The following FBXL17 variants were observed in gnomAD, a reference collection of about 807,000 sequenced individuals.
The protein encoded by FBXL17 is F-box/LRR-repeat protein 17.
Under a neutral mutation model 66.2 loss-of-function variants are expected in FBXL17, and 22 were observed. That is an observed-to-expected ratio of 0.33 (90% CI 0.24 to 0.47). The LOEUF is 0.47. FBXL17 is among the 20% of genes least tolerant of loss of function. FBXL17 has a pLI of 1.00. For synonymous variants in FBXL17, 474 were observed against 400.5 expected (o/e 1.18, Z -2.19); for missense variants, 878 against 948.2 (o/e 0.93, Z 0.97).
At chr5:108,219,945 T>G (rs914788384) in intron 5 of FBXL17, among the ~76,000 whole-genome samples, 17 of 147,488 alleles carry the variant, frequency 1.2e-4, no homozygotes, top group Admixed American at 6.1e-4. Context: ...TTTTTTTTTT[T>G]TTTTTTGCTT....
chr5:108,001,540 G>A lies in FBXL17; in HGVS notation c.1822+19385C>T, dbSNP rs553347229. 6.0e-5 allele frequency among the ~76,000 whole-genome samples: 9 copies of A among 151,098 alleles called. 1 individual carries two copies. The highest frequency in any genetic ancestry group is 5.8e-4 in the East Asian group (3 of 5,142). On this transcript the variant is annotated intron_variant, in intron 7 of 8. Transcript: ENST00000542267. ...TTTTGAGACAGAGTCGCACTCCATC[G>A]CCCAGGCTGGAGTGCAGCGGTGCTA...
At chr5:108,224,926 C>A (rs917244486) in intron 4 of FBXL17, among the ~76,000 whole-genome samples, 1 of 152,096 alleles carries the variant, frequency 6.6e-6, no homozygotes, top group Non-Finnish European at 1.5e-5. Flanking sequence ...TCACACCCAA[C>A]CAATATATAT....
intron 6 of FBXL17, among the ~76,000 whole-genome samples, chr5:108,024,824 T>G (rs1214401406): frequency 6.6e-6 from 1 of 152,190 alleles, no homozygotes; most frequent in Non-Finnish European, 1.5e-5. Context: ...ACAGAAAGGT[T>G]ACTTTGGTAA....
At chr5:108,376,133 T>C (rs1749405898) in intron 1 of FBXL17, among the ~76,000 whole-genome samples, 1 of 152,192 alleles carries the variant, frequency 6.6e-6, no homozygotes, top group African/African-American at 2.4e-5. Context: ...TTCCTCAACC[T>C]GAGAAAGAGC....
chr5:108,004,294 A>C (rs1217833848), intron 7 of FBXL17, among the ~76,000 whole-genome samples: 1 of 152,170 alleles, frequency 6.6e-6, no homozygotes, highest in Non-Finnish European at 1.5e-5. Context: ...CAGTTAACGA[A>C]CACTATTTTC....
chr5:108,182,670 A>G (rs1753050992), intron 6 of FBXL17, among the ~76,000 whole-genome samples: 1 of 152,324 alleles, frequency 6.6e-6, no homozygotes, highest in African/African-American at 2.4e-5. Flanking sequence ...TTAGGATCAA[A>G]CACCAAATAA....
rs148420136 is a variant in FBXL17, at chr5:107,932,854, C to T, written c.1823-51675G>A. Among the ~76,000 whole-genome samples, 311 of 142,320 alleles carry T rather than the reference C, an allele frequency of 2.2e-3. 2 individuals are homozygous for T. The highest frequency in any genetic ancestry group is 3.6e-3 in the Non-Finnish European group (232 of 63,726). 93.4% of individuals were successfully genotyped at this position (142,320 alleles called of 152,430 possible). A position where few individuals can be genotyped will look rare whatever the true frequency, so the allele number is the denominator to read the frequency against. ...AGAAATCCATCACTGCCAAAACCAA[C>T]GAGCCAGCTAAGAAATACATAAGAT... On this transcript the variant is annotated intron_variant, in intron 7 of 8. Coordinates refer to ENST00000542267, the MANE Select transcript of FBXL17 (RefSeq NM_001163315.3).
chr5:107,963,414 G>C (rs1013062809), intron 7 of FBXL17, among the ~76,000 whole-genome samples: 1 of 152,060 alleles, frequency 6.6e-6, no homozygotes, highest in African/African-American at 2.4e-5. Flanking sequence ...TGTACAGGAA[G>C]GTGTTAAGAC....
intron 5 of FBXL17, among the ~76,000 whole-genome samples, chr5:108,214,339 A>G (rs1754505822): frequency 1.3e-5 from 2 of 150,558 alleles, no homozygotes; most frequent in South Asian, 4.2e-4. Context: ...ATAAAGTGTA[A>G]TTTATTAATT....
intron 6 of FBXL17, among the ~76,000 whole-genome samples, chr5:108,122,561 G>C (rs765830739): frequency 1.6e-4 from 24 of 152,124 alleles, no homozygotes; most frequent in Non-Finnish European, 2.6e-4. Flanking sequence ...AATGCATACA[G>C]CAGGAAAGAA....
At chr5:107,973,819 A>G (rs1231404305) in intron 7 of FBXL17, among the ~76,000 whole-genome samples, 2 of 150,378 alleles carry the variant, frequency 1.3e-5, no homozygotes, top group Non-Finnish European at 3.0e-5. Context: ...CTATTGGCTT[A>G]TGGTAAAGAC....
intron 7 of FBXL17, among the ~76,000 whole-genome samples, chr5:107,981,262 T>C (rs1241089155): frequency 6.6e-6 from 1 of 152,174 alleles, no homozygotes. Flanking sequence ...TGAAAATGAA[T>C]CCTATGGACT....
At chr5:107,894,292 C>T (rs1749299932) in intron 7 of FBXL17, among the ~76,000 whole-genome samples, 1 of 152,146 alleles carries the variant, frequency 6.6e-6, no homozygotes, top group Admixed American at 6.6e-5. Context: ...AAGAAGCAGC[C>T]TGTAATTACT....
At chr5:108,129,150 T>G (rs535308952) in intron 6 of FBXL17, among the ~76,000 whole-genome samples, 1 of 152,276 alleles carries the variant, frequency 6.6e-6, no homozygotes, top group African/African-American at 2.4e-5. Context: ...AAGCAATCAA[T>G]CTACTGTTAT....
chr5:107,959,756 T>C (rs2112624727), intron 7 of FBXL17, among the ~76,000 whole-genome samples: 1 of 152,290 alleles, frequency 6.6e-6, no homozygotes, highest in Non-Finnish European at 1.5e-5. Flanking sequence ...TGACACAGAA[T>C]AGGGCTTAAA....
intron 7 of FBXL17, among the ~76,000 whole-genome samples, chr5:107,971,733 A>G (rs1189475902): frequency 6.6e-6 from 1 of 152,214 alleles, no homozygotes; most frequent in Non-Finnish European, 1.5e-5. Context: ...GTCTACTGCT[A>G]GTATATAGCC....
chr5:107,967,482 G>C (rs1425805719), intron 7 of FBXL17, among the ~76,000 whole-genome samples: 1 of 141,100 alleles, frequency 7.1e-6, no homozygotes, highest in African/African-American at 2.6e-5. Context: ...ACTGAACAAT[G>C]AGAACACTTG....
intron 6 of FBXL17, among the ~76,000 whole-genome samples, chr5:108,138,967 G>A (rs369964651): frequency 7.9e-5 from 12 of 152,300 alleles, no homozygotes; most frequent in Middle Eastern, 3.4e-3. Context: ...GTAACTCATT[G>A]AGAATGAGCA....
At chr5:107,928,003 A>T (rs1750589536) in intron 7 of FBXL17, among the ~76,000 whole-genome samples, 1 of 152,118 alleles carries the variant, frequency 6.6e-6, no homozygotes, top group Non-Finnish European at 1.5e-5. Flanking sequence ...ATTTCTCACC[A>T]TCTGAAAACC....
Sources: gnomAD v4.1 joint callset for allele counts (sites outside exome capture counted in the v4.1 genomes callset) on GRCh38, gnomAD v4.1.1 for gene constraint, MANE v1.5 for transcripts, NCBI Gene and HGNC (gene_info 2026-07-23, HGNC 2026-07-21) for gene names.